NOTUM: variants seen among roughly 807,000 people sequenced by gnomAD.
NOTUM encodes the protein notum, palmitoleoyl-protein carboxylesterase, also known as palmitoleoyl-protein carboxylesterase NOTUM.
A neutral mutation model predicts 65.5 loss-of-function variants in NOTUM; 36 were observed. The observed-to-expected ratio is 0.55, with a 90% CI of 0.42 to 0.73. NOTUM has a LOEUF of 0.73. Ranked by LOEUF, NOTUM falls within the 30% of genes least tolerant of loss-of-function variation. NOTUM has a pLI of 0.00. For synonymous variants in NOTUM, 356 were observed against 297.9 expected, an observed-to-expected ratio of 1.20 and a Z score of -2.01; for missense variants, 659 against 694.2, an observed-to-expected ratio of 0.95 and a Z score of 0.57.
intron 4 of NOTUM, among the ~76,000 whole-genome samples, 194 bp from the exon 5 acceptor site, chr17:81,958,587 G>A (rs980718321): frequency 6.6e-6 from 1 of 150,916 alleles, no homozygotes; most frequent in African/African-American, 2.5e-5. Flanking sequence ...ACCCAGGACA[G>A]GACCCTTTCC....
At chr17:81,958,880 C>T (rs569843679) in intron 4 of NOTUM, 55 bp downstream of exon 4, 26 of 1,385,964 alleles carry the variant, frequency 1.9e-5, no homozygotes, top group Middle Eastern at 1.8e-4. Flanking sequence ...AAGGACCCCC[C>T]GGGAAGAACC....
At chr17:81,956,842 C>A (rs1434356861) in intron 7 of NOTUM, 41 bp downstream of exon 7, 1 of 1,598,488 alleles carries the variant, frequency 6.3e-7, no homozygotes, top group Non-Finnish European at 8.5e-7. Flanking sequence ...CCTTCTGGGG[C>A]AAAGCTGCAG....
chr17:81,958,165 C>G (rs956522984), intron 5 of NOTUM, among the ~76,000 whole-genome samples, 170 bp downstream of exon 5: 4 of 152,142 alleles, frequency 2.6e-5, no homozygotes, highest in Non-Finnish European at 5.9e-5. Context: ...GGGGCAGGCA[C>G]CCTGGGACAT....
At position 81,956,708 on chromosome 17, in the gene NOTUM, G is replaced by C. The variant is rs781721967; in HGVS notation, c.930C>G (p.Phe310Leu). The C allele has an allele frequency of 4.3e-6, 7 of 1,613,032 alleles. No individual in the cohort carries two copies. Among genetic ancestry groups the C allele is most frequent in the Non-Finnish European group, 5.1e-6 (6 of 1,179,908 alleles). ...AGCAGTTCCACTCCTCGCCCTCCTG[G>C]AACTGGCGTCGGCAGCGCTCCGGGA... ...GVVPERCRRQ[F>L]QEGEEWNCFF... The change falls in exon 8 of 11, where the codon TTC becomes TTG. Residue 310 changes from phenylalanine (F) to leucine (L), a missense_variant. Coordinates refer to ENST00000409678, the MANE Select transcript of NOTUM (RefSeq NM_178493.6).
At chr17:81,958,761 C>T (rs1340399998) in intron 4 of NOTUM, among the ~76,000 whole-genome samples, 174 bp downstream of exon 4, 2 of 151,984 alleles carry the variant, frequency 1.3e-5, no homozygotes, top group African/African-American at 4.8e-5. Context: ...ACCTCCTCCC[C>T]ACCACGAAAG....
At chr17:81,959,592 C>G (rs1372905623) in intron 2 of NOTUM, 26 bp from the exon 3 acceptor site, 1 of 1,547,282 alleles carries the variant, frequency 6.5e-7, no homozygotes, top group Admixed American at 2.0e-5. Context: ...CCGCTCAGGC[C>G]CGCGCGCACA....
At chr17:81,959,800 G>C (rs1048208884) in intron 1 of NOTUM, 108 bp from the exon 2 acceptor site, 2 of 566,906 alleles carry the variant, frequency 3.5e-6, no homozygotes, top group African/African-American at 4.0e-5. Context: ...GGCCGCGCGC[G>C]ACGGTCGCAC....
Position 81,960,543 on chromosome 17 carries a change from G to C in NOTUM, c.323+44C>G, listed in dbSNP as rs761069029. The C allele has an allele frequency of 7.5e-7, 1 of 1,331,334 alleles. No homozygotes were observed. The highest frequency in any genetic ancestry group is 1.5e-5 in the South Asian group (1 of 66,788). The allele number at this position is 1,331,334 out of a possible 1,614,324, so 82.5% of individuals were successfully genotyped here. A position where few individuals can be genotyped will look rare whatever the true frequency, so the allele number is the denominator to read the frequency against. On this transcript the variant is annotated intron_variant, in intron 1 of 10. Transcript: ENST00000409678. This position sits in a 1 kb window ranked among gnomAD's most constrained non-coding sequence, Gnocchi z 6.4. ...CGCAGGGAAGGTCCAGCCGGAGACC[G>C]GGCGCGTCGGGCGGGGCGGGGAGGT...
In NOTUM at chr17:81,960,761, T is replaced by G. The variant is rs2041469219; in HGVS notation, c.149A>C (p.Glu50Ala). ...GGCCGTGAAGTCCAGCGGGAAGCTC[T>G]CCACGGGCTGTCCGGCCGCCGGCGC... ...EAAPAAGQPV[E>A]SFPLDFTAVE... The change falls in exon 1 of 11, where the codon GAG becomes GCG. Residue 50 changes from glutamate (E) to alanine (A), a missense_variant. By Grantham distance (107) the Glu-to-Ala change is moderately radical (BLOSUM62 -1). Transcript: ENST00000409678. This position sits in a 1 kb window ranked among gnomAD's most constrained non-coding sequence, Gnocchi z 6.4. 1 of 1,588,142 alleles carries G rather than the reference T, an allele frequency of 6.3e-7. No individual in the cohort carries two copies. The highest frequency in any genetic ancestry group is 8.6e-7 in the Non-Finnish European group (1 of 1,168,170).
intron 4 of NOTUM, 80 bp downstream of exon 4, chr17:81,958,855 T>C: frequency 9.3e-7 from 1 of 1,072,946 alleles, no homozygotes; most frequent in Admixed American, 1.7e-5. Flanking sequence ...CATTTCAGAA[T>C]ATGACTTCCC....
chr17:81,958,862 TC>T (rs769702834), intron 4 of NOTUM, 72 bp downstream of exon 4: 43 of 1,166,648 alleles, frequency 3.7e-5, no homozygotes, highest in Non-Finnish European at 5.1e-5. Context: ...GAATATGACT[TC>T]CCAAGGAAGG....
chr17:81,954,399 C>T, intron 9 of NOTUM, 96 bp from the exon 10 acceptor site: 1 of 836,472 alleles, frequency 1.2e-6, no homozygotes, highest in Non-Finnish European at 1.9e-6. Context: ...TGGCCATCAC[C>T]CCTTCCTGTT....
rs778089716 is a variant in NOTUM, at chr17:81,956,616, C to A, written c.988+34G>T. 2.8e-6 allele frequency: 4 copies of A among 1,441,966 alleles called. No homozygotes were observed. The South Asian group carries it at 4.6e-5, about 17-fold the overall frequency. The allele number at this position is 1,441,966 out of a possible 1,614,324, so 89.3% of individuals were successfully genotyped here. Reference sequence around the variant, plus strand: ...AAGCAAGGAAGTGTGGCCACCCCTGCTGCCCTGTGTGCTCCGCTCTGCCGC... The same window carrying A: ...AAGCAAGGAAGTGTGGCCACCCCTGATGCCCTGTGTGCTCCGCTCTGCCGC... On this transcript the variant is annotated intron_variant, in intron 8 of 10. Coordinates refer to ENST00000409678, the MANE Select transcript of NOTUM (RefSeq NM_178493.6).
chr17:81,958,590 C>T (rs926501128), intron 4 of NOTUM, among the ~76,000 whole-genome samples, 197 bp from the exon 5 acceptor site: 1 of 151,286 alleles, frequency 6.6e-6, no homozygotes, highest in Non-Finnish European at 1.5e-5. Context: ...CAGGACAGGA[C>T]CCTTTCCAGG....
chr17:81,957,784 AGCCCTGCCCC>A lies in NOTUM; in HGVS notation c.695+12_695+21del. 3 of 1,555,390 alleles carry A rather than the reference AGCCCTGCCCC, an allele frequency of 1.9e-6. No homozygotes were observed. The highest frequency in any genetic ancestry group is 1.7e-6 in the Non-Finnish European group (2 of 1,143,042). ...CACACCGTCCTCACCCCTCACCTCC[AGCCCTGCCCC>A]GCCCTGCCCACCTGCTCCCGGCCAG... On this transcript the variant is annotated intron_variant, in intron 6 of 10. Coordinates refer to ENST00000409678, the MANE Select transcript of NOTUM (RefSeq NM_178493.6).
Position 81,952,684 on chromosome 17 carries a change from TG to T in NOTUM, c.*276del. 1.9e-6 allele frequency: 1 copy of T among 523,718 alleles called. No individual in the cohort carries two copies. Among genetic ancestry groups the T allele is most frequent in the Non-Finnish European group, 3.4e-6 (1 of 295,002 alleles). 32.4% of individuals were successfully genotyped at this position (523,718 alleles called of 1,614,324 possible). A position where few individuals can be genotyped will look rare whatever the true frequency, so the allele number is the denominator to read the frequency against. ...GTGGGTGCTGTCTGAGCTGGTGGAC[TG>T]AGGAATCCAGTGCTTCTCTTCTGGC... On this transcript the variant is annotated 3_prime_UTR_variant, in exon 11 of 11. Coordinates refer to ENST00000409678, the MANE Select transcript of NOTUM (RefSeq NM_178493.6).
chr17:81,955,843 G>A (rs1388639337), intron 8 of NOTUM, among the ~76,000 whole-genome samples: 1 of 84,934 alleles, frequency 1.2e-5, no homozygotes, highest in Admixed American at 1.3e-4. Context: ...CCCAGGCTCA[G>A]AGCTCAGCAC....
rs937598472 is a variant in NOTUM, at chr17:81,960,234, G to A, written c.323+353C>T. ...TCTTTTATCTACTTCGGGGCTGCAA[G>A]GAGGTGGGCAGCGGGCCTCTCCCCG... On this transcript the variant is annotated intron_variant, in intron 1 of 10. Transcript: ENST00000409678. This position sits in a 1 kb window ranked among gnomAD's most constrained non-coding sequence, Gnocchi z 6.4. Among the ~76,000 whole-genome samples, 1 of 152,216 alleles carries A rather than the reference G, an allele frequency of 6.6e-6. No individual in the cohort carries two copies. Among genetic ancestry groups the A allele is most frequent in the Admixed American group, 6.5e-5 (1 of 15,288 alleles).
In NOTUM at chr17:81,956,440, CACACAGCCGGCCTCCTCCCTGGT is replaced by C. The variant is rs1219371729; in HGVS notation, c.988+187_988+209del. On this transcript the variant is annotated intron_variant, in intron 8 of 10. Coordinates refer to ENST00000409678, the MANE Select transcript of NOTUM (RefSeq NM_178493.6). ...ATGCCGCAGCGACTAGGCCCCCTGG[CACACAGCCGGCCTCCTCCCTGGT>C]ACACAGCCGGCCTCCTCCCTGGTAC... 6.4e-3 allele frequency among the ~76,000 whole-genome samples: 977 copies of C among 151,982 alleles called. 12 individuals are homozygous for C. The highest frequency in any genetic ancestry group is 0.024 in the East Asian group (126 of 5,158).
Sources: gnomAD v4.1 joint callset for allele counts (sites outside exome capture counted in the v4.1 genomes callset) on GRCh38, gnomAD v4.1.1 for gene constraint, Gnocchi (gnomAD v3.1) non-coding constraint, MANE v1.5 for transcripts, NCBI Gene and HGNC (gene_info 2026-07-23, HGNC 2026-07-21) for gene names.